SOX5: variants seen among roughly 807,000 people sequenced by gnomAD.
SOX5 encodes transcription factor SOX-5.
SOX5 carries 9 observed loss-of-function variants against 92.0 expected under a neutral mutation model. The ratio of observed to expected loss-of-function variants is 0.10; its 90% CI spans 0.06 to 0.17. The LOEUF (loss-of-function observed/expected upper bound fraction) is 0.17. Ranked by LOEUF, SOX5 falls within the 10% of genes least tolerant of loss-of-function variation. The pLI, the probability that SOX5 is intolerant of heterozygous loss-of-function variation, is 1.00. For synonymous variants in SOX5, 344 were observed against 336.3 expected, an observed-to-expected ratio of 1.02 and a Z score of -0.25; for missense variants, 642 against 944.5, an observed-to-expected ratio of 0.68 and a Z score of 4.20.
At chr12:23,572,124 A>G (rs1365911878) in intron 10 of SOX5, among the ~76,000 whole-genome samples, 1 of 152,188 alleles carries the variant, frequency 6.6e-6, no homozygotes, top group Non-Finnish European at 1.5e-5. Context: ...TATAGAATAC[A>G]CTGTAATATT....
chr12:23,706,759 A>G (rs565027395), intron 6 of SOX5, among the ~76,000 whole-genome samples: 3 of 152,120 alleles, frequency 2.0e-5, no homozygotes, highest in Non-Finnish European at 2.9e-5. Context: ...AATATTAACC[A>G]TAGAGAACTT....
intron 1 of SOX5, among the ~76,000 whole-genome samples, chr12:24,549,246 C>T (rs1479374524): frequency 6.6e-6 from 1 of 152,206 alleles, no homozygotes; most frequent in African/African-American, 2.4e-5. Flanking sequence ...AATTTGCAAT[C>T]ATAAACGCTG....
intron 6 of SOX5, among the ~76,000 whole-genome samples, chr12:23,674,552 G>A (rs1268666044): frequency 6.6e-6 from 1 of 151,662 alleles, no homozygotes; most frequent in Non-Finnish European, 1.5e-5. Context: ...TGGCCAAGCT[G>A]ATCTCGAACT....
intron 1 of SOX5, among the ~76,000 whole-genome samples, chr12:24,516,496 A>G (rs1949802320): frequency 6.6e-6 from 1 of 152,246 alleles, no homozygotes; most frequent in East Asian, 1.9e-4. Context: ...ATGAATGAAT[A>G]AACGAGTTAA....
At chr12:23,953,046 G>A (rs1265183575), upstream of SOX5, among the ~76,000 whole-genome samples, 1 of 152,060 alleles carries the variant, frequency 6.6e-6, no homozygotes, top group African/African-American at 2.4e-5. Context: ...TATAAAAGCT[G>A]TCATTAAGCT....
chr12:23,588,004 A>G (rs1448622888), intron 9 of SOX5, among the ~76,000 whole-genome samples: 1 of 152,082 alleles, frequency 6.6e-6, no homozygotes, highest in Non-Finnish European at 1.5e-5. Context: ...GATAACCTCA[A>G]TAGAGTCATT....
chr12:24,242,150 C>A (rs902364487), intron 3 of SOX5, among the ~76,000 whole-genome samples: 50 of 152,108 alleles, frequency 3.3e-4, no homozygotes, highest in Non-Finnish European at 2.9e-5. Context: ...TAATAAACAT[C>A]ATAAAGATGG....
intron 2 of SOX5, among the ~76,000 whole-genome samples, chr12:24,317,803 T>G (rs10842323): frequency 0.14 from 21,056 of 152,220 alleles, 1,935 homozygotes; most frequent in East Asian, 0.53. Flanking sequence ...CTACACTCTT[T>G]GTTAACACTC....
At chr12:23,672,779 G>C (rs2085006461) in intron 6 of SOX5, among the ~76,000 whole-genome samples, 1 of 151,950 alleles carries the variant, frequency 6.6e-6, no homozygotes, top group Non-Finnish European at 1.5e-5. Context: ...ATATTACTAG[G>C]ATACAACCAC....
chr12:23,882,185 A>G (rs1305752074), intron 2 of SOX5, among the ~76,000 whole-genome samples: 1 of 152,174 alleles, frequency 6.6e-6, no homozygotes, highest in African/African-American at 2.4e-5. Flanking sequence ...TTTCTCCCAT[A>G]TCATATCCTT....
chr12:23,677,668 G>T (rs1235932368), intron 6 of SOX5, among the ~76,000 whole-genome samples: 1 of 152,138 alleles, frequency 6.6e-6, no homozygotes, highest in African/African-American at 2.4e-5. Flanking sequence ...GAAGGTAAAT[G>T]TGATTATCCT....
chr12:23,703,710 C>A (rs990646770), intron 6 of SOX5, among the ~76,000 whole-genome samples: 1 of 144,272 alleles, frequency 6.9e-6, no homozygotes, highest in African/African-American at 2.7e-5. Context: ...CAAAAGCTTC[C>A]TCTTCATTTC....
intron 2 of SOX5, among the ~76,000 whole-genome samples, chr12:23,883,872 TATAA>T (rs1397285789): frequency 6.6e-6 from 1 of 152,252 alleles, no homozygotes; most frequent in Non-Finnish European, 1.5e-5. Context: ...CTGAATCTGT[TATAA>T]ATATTTGACT....
rs143146761 is a variant in SOX5 at position 23,722,784 on chromosome 12, A to C, written c.810+11900T>G. Among the ~76,000 whole-genome samples, 55 of 152,228 alleles carry C rather than the reference A, an allele frequency of 3.6e-4. No homozygotes were observed. In the East Asian group the frequency reaches 0.01, roughly 28 times the overall value. ...TAAACGGCTCTGGTCTTTTCTTTTC[A>C]GCCTGCATTCCTTGATAAGTGGCAA... On this transcript the variant is annotated intron_variant, in intron 6 of 14. Coordinates refer to ENST00000451604, the MANE Select transcript of SOX5 (RefSeq NM_006940.6).
At chr12:24,465,950 C>A (rs946479640) in intron 1 of SOX5, among the ~76,000 whole-genome samples, 2 of 152,220 alleles carry the variant, frequency 1.3e-5, no homozygotes, top group Non-Finnish European at 2.9e-5. Context: ...TTTCTACCAC[C>A]TTCGTCTACT....
In SOX5 at chr12:23,665,522, G is replaced by A. The variant is rs771557190; in HGVS notation, c.853C>T (p.Pro285Ser). 1.9e-6 allele frequency: 3 copies of A among 1,613,504 alleles called. No individual in the cohort carries two copies. The highest frequency in any genetic ancestry group is 2.2e-5 in the South Asian group (2 of 91,062). The part of the protein sequence containing the change: ...LPPLMIPVFP[P>S]DQRTLAAAAQ... ...GCTGCAGCCAGTGTCCGTTGATCAG[G>A]AGGGAATACGGGAATCATTAATGGC... The change falls in exon 7 of 15, where the codon CCT (proline) becomes TCT (serine). Residue 285 changes from proline to serine, a missense_variant. By Grantham distance (74) the Pro-to-Ser change is moderately conservative. This residue lies in a region of SOX5 where 324 missense variants were observed against 461.6 expected (regional missense o/e 0.70). Coordinates refer to ENST00000451604, the MANE Select transcript of SOX5 (RefSeq NM_006940.6).
chr12:23,893,796 C>G (rs1326356482), intron 2 of SOX5, among the ~76,000 whole-genome samples: 1 of 152,192 alleles, frequency 6.6e-6, no homozygotes, highest in Admixed American at 6.5e-5. Flanking sequence ...GTGTACTACC[C>G]ATTGTCTCCT....
chr12:24,511,971 A>AG (rs1949363744), intron 1 of SOX5, among the ~76,000 whole-genome samples: 2 of 151,846 alleles, frequency 1.3e-5, no homozygotes, highest in East Asian at 1.9e-4. Flanking sequence ...AAAAAAAAAA[A>AG]AGTTTTTGCA....
chr12:23,965,710 C>A (rs1947477616), intron 4 of SOX5, among the ~76,000 whole-genome samples: 1 of 152,144 alleles, frequency 6.6e-6, no homozygotes, highest in Non-Finnish European at 1.5e-5. Context: ...CCTCTGCCCC[C>A]CAGGTTCAAG....
Sources: gnomAD v4.1 joint callset for allele counts (sites outside exome capture counted in the v4.1 genomes callset) on GRCh38, gnomAD v4.1.1 for gene constraint, gnomAD v4.1.1 regional missense constraint, MANE v1.5 for transcripts, NCBI Gene and HGNC (gene_info 2026-07-23, HGNC 2026-07-21) for gene names.